Variants in CLEC19A observed in about 807,000 individuals in gnomAD.
The protein encoded by CLEC19A is C-type lectin domain family 19 member A.
In CLEC19A, 21 loss-of-function variants were observed where a neutral mutation model predicts 26.1. The ratio of observed to expected loss-of-function variants is 0.80; its 90% CI spans 0.57 to 1.16. The LOEUF is 1.16. CLEC19A is among the 50% of genes most tolerant of loss of function. The probability of loss-of-function intolerance (pLI) is 0.00; values close to 1 mark genes in which losing one functional copy is unlikely to be tolerated. For missense variants in CLEC19A, 224 were observed against 227.6 expected (o/e 0.98, Z 0.10); for synonymous variants, 89 against 88.6 (o/e 1.00, Z -0.03).
chr16:19,295,106 C>A (rs139203922), intron 1 of CLEC19A, among the ~76,000 whole-genome samples: 2 of 152,072 alleles, frequency 1.3e-5, no homozygotes, highest in Admixed American at 6.6e-5. Context: ...TGGCAAGGGG[C>A]GGCGATAAAA....
intron 3 of CLEC19A, among the ~76,000 whole-genome samples, chr16:19,307,242 TCA>T (rs1435128350): frequency 6.6e-6 from 1 of 152,200 alleles, no homozygotes; most frequent in African/African-American, 2.4e-5. Flanking sequence ...AATCTGAGTC[TCA>T]GTTTTCTTAT....
chr16:19,288,091 C>T (rs1029125314), intron 1 of CLEC19A, among the ~76,000 whole-genome samples: 4 of 152,146 alleles, frequency 2.6e-5, no homozygotes, highest in African/African-American at 9.7e-5. Context: ...CCCAACCTTT[C>T]CATATTAAGG....
At position 19,310,631 on chromosome 16, in the gene CLEC19A, C is replaced by T. The variant is rs963960580; in HGVS notation, c.*1548C>T. The stretch of plus-strand genomic sequence containing the variant: ...TCAAGCATAAAAAGGAATGAAGTAA[C>T]GATAGATACTACAACCTGAATGAAC... On this transcript the variant is annotated 3_prime_UTR_variant, in exon 5 of 5. Coordinates refer to ENST00000636231, the MANE Select transcript of CLEC19A (RefSeq NM_001256720.2). The T allele has an allele frequency of 6.6e-6, 1 of 152,142 alleles. No homozygotes were observed. Among genetic ancestry groups the T allele is most frequent in the Non-Finnish European group, 1.5e-5 (1 of 68,032 alleles). The allele number at this position is 152,142 out of a possible 1,614,324, so 9.4% of individuals were successfully genotyped here.
At position 19,298,659 on chromosome 16, in the gene CLEC19A, C is replaced by T; in HGVS notation, c.89-14C>T. On this transcript the variant is annotated splice_polypyrimidine_tract_variant and intron_variant, in intron 1 of 4. Transcript: ENST00000636231. ...GCCAACCTTCCTCCCAGTCTGTTTC[C>T]TTTCTGCCCCCAGCCCTGCCAGAGC... 2.6e-6 allele frequency: 4 copies of T among 1,550,500 alleles called. No homozygotes were observed. The highest frequency in any genetic ancestry group is 1.4e-5 in the African/African-American group (1 of 73,160).
chr16:19,306,602 A>G (rs1426282709), intron 3 of CLEC19A, among the ~76,000 whole-genome samples: 1 of 152,176 alleles, frequency 6.6e-6, no homozygotes, highest in Non-Finnish European at 1.5e-5. Flanking sequence ...ACCTAATAAT[A>G]ATAATAATAA....
rs980178436 is a variant in CLEC19A, at chr16:19,309,928, G to C, written c.*845G>C. The C allele has an allele frequency of 1.2e-4, 19 of 152,078 alleles. No homozygotes were observed. The highest frequency in any genetic ancestry group is 4.6e-4 in the African/African-American group (19 of 41,410). 9.4% of individuals were successfully genotyped at this position (152,078 alleles called of 1,614,324 possible). On this transcript the variant is annotated 3_prime_UTR_variant, in exon 5 of 5. Coordinates refer to ENST00000636231, the MANE Select transcript of CLEC19A (RefSeq NM_001256720.2). ...CAAAGTACTGGGATTACAGGCATGA[G>C]CCACTGCGCCTAGCCAAGAATACAT...
At position 19,309,157 on chromosome 16, in the gene CLEC19A, T is replaced by C; in HGVS notation, c.*74T>C. 9.2e-7 allele frequency: 1 copy of C among 1,086,870 alleles called. No individual in the cohort carries two copies. Among genetic ancestry groups the C allele is most frequent in the South Asian group, 1.4e-5 (1 of 72,876 alleles). The allele number at this position is 1,086,870 out of a possible 1,614,324, so 67.3% of individuals were successfully genotyped here. A position where few individuals can be genotyped will look rare whatever the true frequency, so the allele number is the denominator to read the frequency against. On this transcript the variant is annotated 3_prime_UTR_variant, in exon 5 of 5. Coordinates refer to ENST00000636231, the MANE Select transcript of CLEC19A (RefSeq NM_001256720.2). Reference sequence around the variant, plus strand: ...GCTGTAACCAGTGTAGAATTGACATTGAATACATGTAAAACATACATAGGA... The same window carrying C: ...GCTGTAACCAGTGTAGAATTGACATCGAATACATGTAAAACATACATAGGA...
At chr16:19,294,002 T>C (rs1323725045) in intron 1 of CLEC19A, among the ~76,000 whole-genome samples, 1 of 152,166 alleles carries the variant, frequency 6.6e-6, no homozygotes, top group Non-Finnish European at 1.5e-5. Context: ...ATCTTATTCA[T>C]TCTGTCTAAC....
At position 19,310,232 on chromosome 16, in the gene CLEC19A, G is replaced by A. The variant is rs1205930847; in HGVS notation, c.*1149G>A. 3 of 152,104 alleles carry A rather than the reference G, an allele frequency of 2.0e-5. No individual in the cohort carries two copies. In the East Asian group the frequency reaches 5.8e-4, roughly 30 times the overall value. The allele number at this position is 152,104 out of a possible 1,614,324, so 9.4% of individuals were successfully genotyped here. On this transcript the variant is annotated 3_prime_UTR_variant, in exon 5 of 5. Transcript: ENST00000636231. The stretch of plus-strand genomic sequence containing the variant: ...GCCTGTAATCCCAGCACTTTGGGAA[G>A]CTGAGGAGAGAGGATCACTTGAGCC...
At chr16:19,303,848 G>C (rs1897887275) in intron 2 of CLEC19A, 7 of 507,730 alleles carry the variant, frequency 1.4e-5, no homozygotes. Flanking sequence ...TAGCAGTACT[G>C]AGTCCTTCTT....
intron 2 of CLEC19A, 120 bp from the exon 3 acceptor site, chr16:19,303,942 G>C (rs573653915): frequency 1.3e-6 from 1 of 776,196 alleles, no homozygotes; most frequent in African/African-American, 1.7e-5. Flanking sequence ...AGGCCGAATT[G>C]GATCATATCC....
In CLEC19A at chr16:19,305,842, T is replaced by C. The variant is rs1159800187; in HGVS notation, c.348+1687T>C. On this transcript the variant is annotated intron_variant, in intron 3 of 4. Coordinates refer to ENST00000636231, the MANE Select transcript of CLEC19A (RefSeq NM_001256720.2). The stretch of plus-strand genomic sequence containing the variant: ...TTTTTTTGGGTTTTTTTGCTGTTTT[T>C]TTTTTGTTTGTTTGTTTTTGAGATG... Among the ~76,000 whole-genome samples, 3 of 152,196 alleles carry C rather than the reference T, an allele frequency of 2.0e-5. No individual in the cohort carries two copies. The East Asian group carries it at 5.8e-4, about 29-fold the overall frequency.
chr16:19,293,004 A>G (rs1897622411), intron 1 of CLEC19A, among the ~76,000 whole-genome samples: 1 of 152,188 alleles, frequency 6.6e-6, no homozygotes, highest in African/African-American at 2.4e-5. Flanking sequence ...AAAGGTGTTG[A>G]GAAGGTCTTC....
intron 1 of CLEC19A, among the ~76,000 whole-genome samples, chr16:19,293,832 G>A (rs1056785067): frequency 1.3e-5 from 2 of 152,258 alleles, no homozygotes; most frequent in Middle Eastern, 6.8e-3. Flanking sequence ...CAGGCATACA[G>A]TGTGTAATAA....
intron 1 of CLEC19A, among the ~76,000 whole-genome samples, chr16:19,291,402 C>G (rs890059418): frequency 5.3e-5 from 8 of 152,230 alleles, no homozygotes; most frequent in South Asian, 2.1e-4. Context: ...CAAATCCCAG[C>G]TGGGAGCTGT....
At chr16:19,308,383 A>G (rs951153867) in intron 4 of CLEC19A, among the ~76,000 whole-genome samples, 1 of 152,166 alleles carries the variant, frequency 6.6e-6, no homozygotes, top group Non-Finnish European at 1.5e-5. Context: ...TTTGTCTTCA[A>G]AATGTGGCTA....
Position 19,301,735 on chromosome 16 carries a change from G to GTTTTTTTTTTTTTTTTTTTTTTTT in CLEC19A, c.255-2327_255-2326insTTTTTTTTTTTTTTTTTTTTTTTT, listed in dbSNP as rs750529291. On this transcript the variant is annotated intron_variant, in intron 2 of 4. Transcript: ENST00000636231. ...CATGACACCATGCCCAGGTTTTTTT[G>GTTTTTTTTTTTTTTTTTTTTTTTT]GTTTTTTTTTTTTTTTTTTTTTTTT... Among the ~76,000 whole-genome samples, 2 of 35,126 alleles carry GTTTTTTTTTTTTTTTTTTTTTTTT rather than the reference G, an allele frequency of 5.7e-5. 1 individual carries two copies. Among genetic ancestry groups the GTTTTTTTTTTTTTTTTTTTTTTTT allele is most frequent in the African/African-American group, 2.7e-4 (2 of 7,284 alleles). 23.0% of individuals were successfully genotyped at this position (35,126 alleles called of 152,430 possible).
intron 2 of CLEC19A, among the ~76,000 whole-genome samples, chr16:19,300,593 A>G (rs1897799715): frequency 6.6e-6 from 1 of 152,108 alleles, no homozygotes; most frequent in African/African-American, 2.4e-5. Flanking sequence ...CTTAGTTTCC[A>G]AATGCATCTT....
At chr16:19,288,349 C>T (rs179200) in intron 1 of CLEC19A, among the ~76,000 whole-genome samples, 1 of 151,792 alleles carries the variant, frequency 6.6e-6, no homozygotes, top group Non-Finnish European at 1.5e-5. Flanking sequence ...GGGCCCCGGC[C>T]GACCATGAGA....
Sources: allele counts gnomAD v4.1 joint callset (sites outside exome capture counted in the v4.1 genomes callset), GRCh38; gene constraint gnomAD v4.1.1; transcripts MANE v1.5; gene names NCBI Gene and HGNC (gene_info 2026-07-23, HGNC 2026-07-21).